Variants in C3orf33 observed in about 807,000 individuals in gnomAD.
C3orf33 encodes the protein mitochondrial inner membrane subdomain organizer 1, also known as AP-1 activity suppressor.
Under a neutral mutation model 28.7 loss-of-function variants are expected in C3orf33, and 23 were observed. That is an observed-to-expected ratio of 0.80 (90% CI 0.58 to 1.13). The LOEUF is 1.13. Among genes scored for constraint, C3orf33 ranks in the 50% most tolerant of loss-of-function variants. C3orf33 has a pLI of 0.00. For missense variants in C3orf33, 327 were observed against 353.4 expected (o/e 0.93, Z 0.60); for synonymous variants, 119 against 120.5 (o/e 0.99, Z 0.08).
chr3:155,790,820 G>A (rs116769542), intron 2 of C3orf33, among the ~76,000 whole-genome samples: 104 of 152,276 alleles, frequency 6.8e-4, no homozygotes, highest in African/African-American at 2.2e-3. Flanking sequence ...CACAACCTGA[G>A]GTCCTTCAAG....
rs548593244 is a variant in C3orf33, at chr3:155,762,707, T to C, written c.*810A>G. On this transcript the variant is annotated 3_prime_UTR_variant, in exon 5 of 5. Transcript: ENST00000340171. The stretch of plus-strand genomic sequence containing the variant: ...ATCTTTTCTAAACAAAAATTCAATA[T>C]GGCAATACAAAACTTAGCCAGGCTT... The C allele has an allele frequency of 6.6e-5, 10 of 152,274 alleles. No homozygotes were observed. In the East Asian group the frequency reaches 7.7e-4, roughly 12 times the overall value. The allele number at this position is 152,274 out of a possible 1,614,324, so 9.4% of individuals were successfully genotyped here. A position where few individuals can be genotyped will look rare whatever the true frequency, so the allele number is the denominator to read the frequency against.
chr3:155,795,959 AAAT>A (rs553905319), intron 2 of C3orf33, among the ~76,000 whole-genome samples: 5 of 151,978 alleles, frequency 3.3e-5, no homozygotes, highest in African/African-American at 9.7e-5. Context: ...CCATCTAAAA[AAAT>A]AATAATAATA....
chr3:155,805,773 A>C, intron 1 of C3orf33: 1 of 494,712 alleles, frequency 2.0e-6, no homozygotes, highest in Non-Finnish European at 3.9e-6. Flanking sequence ...CTCTCTCCCA[A>C]GGCGTACAGG....
intron 2 of C3orf33, among the ~76,000 whole-genome samples, chr3:155,791,783 G>A (rs950128885): frequency 6.6e-6 from 1 of 151,804 alleles, no homozygotes; most frequent in African/African-American, 2.4e-5. Context: ...ACTGTCTTGT[G>A]GCTTAGGTCC....
Position 155,777,419 on chromosome 3 carries a change from T to C in C3orf33, c.175-1571A>G, listed in dbSNP as rs529802658. On this transcript the variant is annotated intron_variant, in intron 2 of 4. Coordinates refer to ENST00000340171, the MANE Select transcript of C3orf33 (RefSeq NM_001308229.2). ...TTGTTAATTTTATTAGCTGTGATAA[T>C]ATTAAAGGACAAACTAACATTACAG... Among the ~76,000 whole-genome samples the C allele has an allele frequency of 9.2e-5, 14 of 152,202 alleles. No individual in the cohort carries two copies. In the East Asian group the frequency reaches 2.7e-3, roughly 29 times the overall value.
chr3:155,762,957 G>C lies in C3orf33; in HGVS notation c.*560C>G, dbSNP rs1378000894. The stretch of plus-strand genomic sequence containing the variant: ...GTGGGTAGATCATCTGAAGTCAAGA[G>C]TTTGAGACCAGCCTGACCAACATGG... On this transcript the variant is annotated 3_prime_UTR_variant, in exon 5 of 5. Transcript: ENST00000340171. 6.6e-6 allele frequency: 1 copy of C among 152,106 alleles called. No homozygotes were observed. The highest frequency in any genetic ancestry group is 1.5e-5 in the Non-Finnish European group (1 of 68,092). 9.4% of individuals were successfully genotyped at this position (152,106 alleles called of 1,614,324 possible).
At position 155,767,624 on chromosome 3, in the gene C3orf33, A is replaced by T. The variant is rs1274602336; in HGVS notation, c.368T>A (p.Leu123His). Residue 123 changes from leucine (L) to histidine (H), a missense_variant, in exon 4 of 5, where the codon CTC (leucine) becomes CAC (histidine). Physicochemically the swap from Leu to His is moderately conservative, Grantham distance 99. Coordinates refer to ENST00000340171, the MANE Select transcript of C3orf33 (RefSeq NM_001308229.2). ...TAACCATGCCTTCCCAGTTTCAGCG[A>T]GTTCTACTCCAGCCAACTTAACCAG... The part of the protein sequence containing the change: ...ALLVKLAGVE[L>H]AETGKAWLQK... 1 of 1,584,710 alleles carries T rather than the reference A, an allele frequency of 6.3e-7. No homozygotes were observed. The highest frequency in any genetic ancestry group is 8.6e-7 in the Non-Finnish European group (1 of 1,162,162).
intron 2 of C3orf33, among the ~76,000 whole-genome samples, chr3:155,778,857 A>G (rs2109261263): frequency 6.6e-6 from 1 of 152,316 alleles, no homozygotes; most frequent in Non-Finnish European, 1.5e-5. Context: ...CCAGTTTAAT[A>G]TGATCATGAA....
intron 2 of C3orf33, among the ~76,000 whole-genome samples, chr3:155,788,269 A>G (rs1204000960): frequency 6.6e-6 from 1 of 151,274 alleles, no homozygotes; most frequent in Non-Finnish European, 1.5e-5. Context: ...TTAAAAAAAC[A>G]CATGGTTACC....
At chr3:155,769,816 C>G (rs1203217150) in intron 3 of C3orf33, among the ~76,000 whole-genome samples, 2 of 152,174 alleles carry the variant, frequency 1.3e-5, no homozygotes, top group Non-Finnish European at 2.9e-5. Flanking sequence ...AGCCCAAAAA[C>G]CAAGCTGCAA....
chr3:155,788,689 A>G (rs548581725), intron 2 of C3orf33, among the ~76,000 whole-genome samples: 3 of 151,318 alleles, frequency 2.0e-5, no homozygotes, highest in Non-Finnish European at 4.4e-5. Context: ...AAAAAAAAAA[A>G]AAAGAAAGAA....
chr3:155,793,703 G>A lies in C3orf33; in HGVS notation c.174+8829C>T, dbSNP rs71310444. 4.3e-3 allele frequency among the ~76,000 whole-genome samples: 639 copies of A among 150,158 alleles called. 4 individuals carry two copies. The highest frequency in any genetic ancestry group is 5.8e-3 in the Non-Finnish European group (393 of 67,582). On this transcript the variant is annotated intron_variant, in intron 2 of 4. Transcript: ENST00000340171. ...TGCCTGCCTGTAGTCCCAGCTACTC[G>A]GGAGGCTAAGGCAGGAGAATCTCTT...
intron 4 of C3orf33, among the ~76,000 whole-genome samples, chr3:155,766,981 C>T (rs891159493): frequency 4.7e-5 from 7 of 150,482 alleles, no homozygotes; most frequent in Non-Finnish European, 1.0e-4. Context: ...ATAGGCCAGG[C>T]GCAGTGGCTC....
intron 2 of C3orf33, among the ~76,000 whole-genome samples, chr3:155,794,435 T>C (rs1458444684): frequency 6.6e-6 from 1 of 151,666 alleles, no homozygotes; most frequent in Non-Finnish European, 1.5e-5. Flanking sequence ...GAGAAAATCA[T>C]CTTTAGTAAG....
At position 155,806,152 on chromosome 3, in the gene C3orf33, A is replaced by G; in HGVS notation, c.101T>C (p.Leu34Pro). 1.4e-6 allele frequency: 2 copies of G among 1,469,596 alleles called. No homozygotes were observed. Among genetic ancestry groups the G allele is most frequent in the African/African-American group, 1.4e-5 (1 of 69,932 alleles). The allele number at this position is 1,469,596 out of a possible 1,614,324, so 91.0% of individuals were successfully genotyped here. A position where few individuals can be genotyped will look rare whatever the true frequency, so the allele number is the denominator to read the frequency against. The change falls in exon 1 of 5, where the codon CTG (leucine) becomes CCG (proline). Residue 34 changes from leucine to proline, a missense_variant. Transcript: ENST00000340171. Reference sequence around the variant, plus strand: ...TGGCCCCAGTACCCGGACTAGGCGCAGGTGGTCGTCTGCCCACTGCGAGAT... The same window carrying G: ...TGGCCCCAGTACCCGGACTAGGCGCGGGTGGTCGTCTGCCCACTGCGAGAT... The part of the protein sequence containing the change: ...ARISQWADDH[L>P]RLVRNISTGM...
chr3:155,776,524 C>T (rs997572670), intron 2 of C3orf33, among the ~76,000 whole-genome samples: 2 of 151,958 alleles, frequency 1.3e-5, no homozygotes, highest in African/African-American at 4.8e-5. Context: ...TGGCTTATGC[C>T]TATAATCCCA....
At chr3:155,769,756 TA>T (rs995694146) in intron 3 of C3orf33, among the ~76,000 whole-genome samples, 7 of 152,022 alleles carry the variant, frequency 4.6e-5, no homozygotes, top group Admixed American at 1.3e-4. Flanking sequence ...CCCAGGAAAA[TA>T]GGGGCAGGTG....
intron 2 of C3orf33, among the ~76,000 whole-genome samples, chr3:155,784,665 G>A (rs1751044679): frequency 6.6e-6 from 1 of 151,906 alleles, no homozygotes; most frequent in African/African-American, 2.4e-5. Flanking sequence ...ACCTGAATCC[G>A]GGAGGTGCCG....
At chr3:155,793,834 A>AAAAAAAAAAAAAAAAAC (rs778070795) in intron 2 of C3orf33, among the ~76,000 whole-genome samples, 1 of 146,594 alleles carries the variant, frequency 6.8e-6, no homozygotes, top group Non-Finnish European at 1.5e-5. Flanking sequence ...AAAACTAAAA[A>AAAAAAAAAAAAAAAAAC]AACTAAAAAA....
Sources: allele counts gnomAD v4.1 joint callset (sites outside exome capture counted in the v4.1 genomes callset), GRCh38; gene constraint gnomAD v4.1.1; transcripts MANE v1.5; gene names NCBI Gene and HGNC (gene_info 2026-07-23, HGNC 2026-07-21).